The following PRCP variants were observed in gnomAD, a reference collection of about 807,000 sequenced individuals.
PRCP encodes lysosomal Pro-X carboxypeptidase.
PRCP carries 46 observed loss-of-function variants against 54.2 expected under a neutral mutation model. The ratio of observed to expected loss-of-function variants is 0.85; its 90% CI spans 0.67 to 1.09. PRCP has a LOEUF of 1.09. PRCP is among the 50% of genes least tolerant of loss of function. PRCP has a pLI of 0.00. For synonymous variants in PRCP, 240 were observed against 212.2 expected, an observed-to-expected ratio of 1.13 and a Z score of -1.14; for missense variants, 613 against 596.8, an observed-to-expected ratio of 1.03 and a Z score of -0.28.
chr11:82,886,624 TTCTG>T (rs1336026863), intron 1 of PRCP, among the ~76,000 whole-genome samples: 3 of 152,312 alleles, frequency 2.0e-5, no homozygotes, highest in South Asian at 2.1e-4. Flanking sequence ...TTGTAAAACC[TTCTG>T]TCTATTTCTG....
chr11:82,827,951 A>G (rs973635097), intron 8 of PRCP: 1 of 152,174 alleles, frequency 6.6e-6, no homozygotes, highest in Non-Finnish European at 1.5e-5. Flanking sequence ...TTTGTTTCCA[A>G]TGTATATATC....
At chr11:82,829,300 C>CCT (rs1165764246) in intron 8 of PRCP, 1 of 152,158 alleles carries the variant, frequency 6.6e-6, no homozygotes, top group African/African-American at 2.4e-5. Context: ...TGATTCAGGC[C>CCT]CTCTGCTCCC....
upstream of PRCP, chr11:82,900,459 C>T (rs1033799265): frequency 1.9e-6 from 3 of 1,568,956 alleles, no homozygotes; most frequent in Admixed American, 1.8e-5. Context: ...CCAGCAGAAG[C>T]GCACAGGCTA....
At chr11:82,841,526 C>T (rs2121107482) in intron 6 of PRCP, among the ~76,000 whole-genome samples, 1 of 152,184 alleles carries the variant, frequency 6.6e-6, no homozygotes, top group East Asian at 1.9e-4. Flanking sequence ...ATATGACTTT[C>T]CAAAGGAAGA....
chr11:82,844,813 A>G (rs1265784840), intron 6 of PRCP, among the ~76,000 whole-genome samples: 1 of 151,928 alleles, frequency 6.6e-6, no homozygotes, highest in Non-Finnish European at 1.5e-5. Context: ...GGAGCTTCCA[A>G]CCACTGTAAC....
At chr11:82,861,778 G>T (rs1349755251) in intron 1 of PRCP, among the ~76,000 whole-genome samples, 1 of 152,172 alleles carries the variant, frequency 6.6e-6, no homozygotes, top group African/African-American at 2.4e-5. Flanking sequence ...TAGATTAAAT[G>T]AATTTTAAGG....
At chr11:82,885,904 C>T (rs1397027211) in intron 1 of PRCP, among the ~76,000 whole-genome samples, 1 of 152,188 alleles carries the variant, frequency 6.6e-6, no homozygotes, top group Non-Finnish European at 1.5e-5. Context: ...ATAGTAGTGA[C>T]TTCACTCCTG....
intron 1 of PRCP, 135 bp downstream of exon 1, chr11:82,900,100 G>A: frequency 2.6e-6 from 3 of 1,146,794 alleles, no homozygotes; most frequent in Non-Finnish European, 2.5e-6. Context: ...CCTTCTGGAA[G>A]ATGTTAGCCA....
At chr11:82,864,435 T>C (rs1221832279) in intron 1 of PRCP, among the ~76,000 whole-genome samples, 1 of 152,208 alleles carries the variant, frequency 6.6e-6, no homozygotes, top group Non-Finnish European at 1.5e-5. Flanking sequence ...TCTGGGCTCC[T>C]GAATAAAGAT....
chr11:82,885,554 C>T (rs79906836), intron 1 of PRCP, among the ~76,000 whole-genome samples: 2,075 of 152,210 alleles, frequency 0.014, 45 homozygotes, highest in African/African-American at 0.047. Context: ...TAGAAGAACG[C>T]ATTTTTATTC....
At chr11:82,899,279 T>A (rs1860196340) in intron 1 of PRCP, among the ~76,000 whole-genome samples, 1 of 152,038 alleles carries the variant, frequency 6.6e-6, no homozygotes. Context: ...CTGCTAAGAG[T>A]ACGTTATCTG....
intron 1 of PRCP, chr11:82,884,714 C>T: frequency 1.4e-6 from 2 of 1,480,702 alleles, no homozygotes; most frequent in East Asian, 2.3e-5. Flanking sequence ...AGAGAATTTG[C>T]AGACAGACCT....
intron 6 of PRCP, among the ~76,000 whole-genome samples, chr11:82,847,895 A>G (rs1034442619): frequency 1.3e-5 from 2 of 152,144 alleles, no homozygotes; most frequent in East Asian, 3.8e-4. Flanking sequence ...TGCCAGGCCT[A>G]TTGATTTAGG....
chr11:82,836,904 C>T (rs1342819405), intron 8 of PRCP: 4 of 384,460 alleles, frequency 1.0e-5, no homozygotes, highest in African/African-American at 2.1e-5. Context: ...CGGTAATAAC[C>T]AACTTGTAAT....
chr11:82,832,650 A>T (rs1305806876), intron 8 of PRCP, among the ~76,000 whole-genome samples: 3 of 152,190 alleles, frequency 2.0e-5, no homozygotes, highest in Non-Finnish European at 4.4e-5. Context: ...CCTATTCTGT[A>T]GGTTGCCTGT....
In PRCP at chr11:82,860,047, T is replaced by C. The variant is rs779994126; in HGVS notation, c.239A>G (p.Lys80Arg). ...GAAAAGTATTGATCCACCATTTTTC[T>C]TCCAGTATTTATCAGCTACTAGGTA... ...QRYLVADKYW[K>R]KNGGSILFYT... The change falls in exon 2 of 9, where the codon AAG becomes AGG. Residue 80 changes from lysine (K) to arginine (R), a missense_variant. By Grantham distance (26) the Lys-to-Arg change is conservative. Coordinates refer to ENST00000313010, the MANE Select transcript of PRCP (RefSeq NM_005040.4). 1.9e-6 allele frequency: 3 copies of C among 1,591,500 alleles called. No individual in the cohort carries two copies. Among genetic ancestry groups the C allele is most frequent in the Non-Finnish European group, 1.7e-6 (2 of 1,169,760 alleles).
intron 1 of PRCP, among the ~76,000 whole-genome samples, chr11:82,875,359 C>T (rs1423912544): frequency 1.3e-5 from 2 of 152,266 alleles, no homozygotes; most frequent in Non-Finnish European, 2.9e-5. Context: ...ACTTAGACTA[C>T]ACCAGTTAAC....
chr11:82,827,245 C>T (rs1858258178), intron 8 of PRCP: 1 of 152,120 alleles, frequency 6.6e-6, no homozygotes, highest in South Asian at 2.1e-4. Context: ...GTATCATTTG[C>T]AGCACAAGTT....
intron 2 of PRCP, among the ~76,000 whole-genome samples, chr11:82,857,728 G>A (rs1373448401): frequency 6.6e-6 from 1 of 152,194 alleles, no homozygotes; most frequent in Admixed American, 6.5e-5. Context: ...TGAACAATTA[G>A]AAGAGTTATA....
Sources: allele counts gnomAD v4.1 joint callset (sites outside exome capture counted in the v4.1 genomes callset), GRCh38; gene constraint gnomAD v4.1.1; transcripts MANE v1.5; gene names NCBI Gene and HGNC (gene_info 2026-07-23, HGNC 2026-07-21).